ATXN2: variants seen among roughly 807,000 people sequenced by gnomAD.
The protein encoded by ATXN2 is ataxin-2.
A neutral mutation model predicts 138.6 loss-of-function variants in ATXN2; 37 were observed. The observed-to-expected ratio is 0.27, with a 90% CI of 0.21 to 0.35. ATXN2 has a LOEUF of 0.35. Among genes scored for constraint, ATXN2 ranks in the 10% least tolerant of loss-of-function variants. The pLI is 1.00. For synonymous variants in ATXN2, 549 were observed against 543.7 expected, an observed-to-expected ratio of 1.01 and a Z score of -0.13; for missense variants, 1,216 against 1,480.3, an observed-to-expected ratio of 0.82 and a Z score of 2.93.
chr12:111,510,797 T>G, intron 11 of ATXN2: 1 of 386,664 alleles, frequency 2.6e-6, no homozygotes, highest in Non-Finnish European at 4.6e-6. Flanking sequence ...CTAACATAAG[T>G]ATGATTTTCT....
intron 5 of ATXN2, among the ~76,000 whole-genome samples, chr12:111,529,642 T>C (rs1880702097): frequency 6.6e-6 from 1 of 152,128 alleles, no homozygotes; most frequent in Non-Finnish European, 1.5e-5. Context: ...CATAAAGAAA[T>C]GTCTCGACCA....
At chr12:111,548,173 C>G (rs1881933443) in intron 5 of ATXN2, among the ~76,000 whole-genome samples, 1 of 152,084 alleles carries the variant, frequency 6.6e-6, no homozygotes, top group Admixed American at 6.6e-5. Flanking sequence ...GCCTGGGCGA[C>G]AGAGCAAGAC....
chr12:111,491,863 T>C (rs1878057186), intron 14 of ATXN2, among the ~76,000 whole-genome samples: 1 of 152,064 alleles, frequency 6.6e-6, no homozygotes, highest in African/African-American at 2.4e-5. Context: ...ATCTTGCAAG[T>C]GGGTGCCAGC....
intron 5 of ATXN2, among the ~76,000 whole-genome samples, chr12:111,538,956 T>TA (rs1325451816): frequency 1.3e-5 from 2 of 150,010 alleles, no homozygotes; most frequent in African/African-American, 4.9e-5. Flanking sequence ...TTGCTGTATT[T>TA]AAAAAAACAA....
chr12:111,567,226 G>A (rs1261637825), intron 1 of ATXN2, among the ~76,000 whole-genome samples: 1 of 152,154 alleles, frequency 6.6e-6, no homozygotes, highest in Non-Finnish European at 1.5e-5. Context: ...AACAGGCCGG[G>A]CGTGGTGGCT....
chr12:111,561,577 T>C (rs943481729), intron 1 of ATXN2, among the ~76,000 whole-genome samples: 1 of 151,958 alleles, frequency 6.6e-6, no homozygotes, highest in Admixed American at 6.6e-5. Flanking sequence ...CTCACACTCA[T>C]AATCCCACCA....
chr12:111,506,414 GTTTA>G (rs1378969677), intron 14 of ATXN2, among the ~76,000 whole-genome samples: 2 of 151,840 alleles, frequency 1.3e-5, no homozygotes, highest in Non-Finnish European at 1.5e-5. Context: ...ACTTTAAACG[GTTTA>G]TTTATATATG....
intron 23 of ATXN2, chr12:111,454,253 G>C (rs879939363): frequency 6.3e-6 from 1 of 158,806 alleles, no homozygotes; most frequent in South Asian, 2.0e-4. Context: ...GCCTGAGGTA[G>C]TTTTGCAGAT....
intron 5 of ATXN2, among the ~76,000 whole-genome samples, chr12:111,544,162 C>T (rs1216440105): frequency 1.3e-5 from 2 of 152,096 alleles, no homozygotes; most frequent in Non-Finnish European, 2.9e-5. Flanking sequence ...TGAGGGTATA[C>T]AGTTTCACTA....
At chr12:111,596,212 AC>A (rs1884932187) in intron 1 of ATXN2, among the ~76,000 whole-genome samples, 1 of 122,412 alleles carries the variant, frequency 8.2e-6, no homozygotes, top group African/African-American at 6.0e-5. Flanking sequence ...CAAAACACAC[AC>A]ACACACACAC....
chr12:111,563,031 A>G (rs1882786325), intron 1 of ATXN2, among the ~76,000 whole-genome samples: 1 of 152,194 alleles, frequency 6.6e-6, no homozygotes, highest in South Asian at 2.1e-4. Context: ...ATATCATGCA[A>G]TGAGAAAAAC....
At chr12:111,504,990 G>A (rs1879013825) in intron 14 of ATXN2, among the ~76,000 whole-genome samples, 1 of 152,200 alleles carries the variant, frequency 6.6e-6, no homozygotes, top group Non-Finnish European at 1.5e-5. Context: ...TTGGGAGGCT[G>A]AGGTGGGCGT....
chr12:111,479,718 T>C (rs1241619147), intron 18 of ATXN2, among the ~76,000 whole-genome samples: 1 of 151,692 alleles, frequency 6.6e-6, no homozygotes, highest in African/African-American at 2.4e-5. Flanking sequence ...GTTTTGCTAT[T>C]TTTTTTTGTT....
chr12:111,513,227 A>G, intron 11 of ATXN2, 130 bp downstream of exon 11: 11 of 1,074,454 alleles, frequency 1.0e-5, no homozygotes, highest in Non-Finnish European at 1.3e-5. Context: ...GGGTTTCCCA[A>G]TTCCTGGTGA....
intron 3 of ATXN2, among the ~76,000 whole-genome samples, chr12:111,553,906 A>T (rs1311931198): frequency 6.6e-6 from 1 of 152,062 alleles, no homozygotes; most frequent in East Asian, 1.9e-4. Context: ...TGGCCTTTTT[A>T]ACAAATATTT....
chr12:111,499,025 C>T (rs1390727008), intron 14 of ATXN2, among the ~76,000 whole-genome samples: 1 of 151,960 alleles, frequency 6.6e-6, no homozygotes, highest in East Asian at 1.9e-4. Context: ...ACCCCTGTGT[C>T]CCACCATATT....
chr12:111,555,086 G>A (rs1009378794), intron 2 of ATXN2, among the ~76,000 whole-genome samples: 2 of 152,006 alleles, frequency 1.3e-5, no homozygotes, highest in Non-Finnish European at 2.9e-5. Context: ...TTCATGTCCG[G>A]TTCAATTTCA....
intron 14 of ATXN2, among the ~76,000 whole-genome samples, chr12:111,502,451 C>T (rs188387231): frequency 4.6e-5 from 7 of 151,568 alleles, no homozygotes; most frequent in East Asian, 1.9e-4. Context: ...TTTTTGGAGA[C>T]GGAGTTTCGC....
At chr12:111,462,664 G>A (rs1440469987) in intron 21 of ATXN2, among the ~76,000 whole-genome samples, 1 of 152,186 alleles carries the variant, frequency 6.6e-6, no homozygotes, top group Non-Finnish European at 1.5e-5. Context: ...CTCCCTTTTA[G>A]GGGAAGTTGT....
Sources: gnomAD v4.1 joint callset for allele counts (sites outside exome capture counted in the v4.1 genomes callset) on GRCh38, gnomAD v4.1.1 for gene constraint, MANE v1.5 for transcripts, NCBI Gene and HGNC (gene_info 2026-07-23, HGNC 2026-07-21) for gene names.